Variants in TMPRSS15 observed in about 807,000 individuals in gnomAD.
TMPRSS15 encodes transmembrane serine protease 15, also known as enteropeptidase.
TMPRSS15 carries 128 observed loss-of-function variants against 125.3 expected under a neutral mutation model. The observed-to-expected ratio is 1.02, with a 90% CI of 0.89 to 1.18. TMPRSS15 has a LOEUF of 1.18. Ranked by LOEUF, TMPRSS15 falls within the 50% of genes most tolerant of loss-of-function variation. The pLI is 0.00. For missense variants in TMPRSS15, 1,283 were observed against 1,212.7 expected (o/e 1.06, Z -0.86); for synonymous variants, 446 against 423.2 (o/e 1.05, Z -0.66).
At chr21:18,464,172 C>CAA (rs1163284712) in intron 1 of TMPRSS15, among the ~76,000 whole-genome samples, 225 of 36,104 alleles carry the variant, frequency 6.2e-3, no homozygotes, top group Middle Eastern at 0.044. Flanking sequence ...GACTCCGTCT[C>CAA]AAAAAAAAAA....
At chr21:18,459,453 T>C (rs984578103) in intron 1 of TMPRSS15, among the ~76,000 whole-genome samples, 14 of 152,096 alleles carry the variant, frequency 9.2e-5, no homozygotes, top group African/African-American at 3.1e-4. Context: ...TTTGTATTTT[T>C]AGTAGAGAGA....
intron 1 of TMPRSS15, among the ~76,000 whole-genome samples, chr21:18,418,067 A>G (rs2076184211): frequency 6.6e-6 from 1 of 152,236 alleles, no homozygotes; most frequent in Non-Finnish European, 1.5e-5. Context: ...TTCTTCAGCT[A>G]AAAGGTAATG....
chr21:18,382,210 G>T (rs1334955610), intron 4 of TMPRSS15, among the ~76,000 whole-genome samples: 3 of 152,128 alleles, frequency 2.0e-5, no homozygotes, highest in Non-Finnish European at 4.4e-5. Context: ...CTGATTGGGG[G>T]ATAGTAATGA....
chr21:18,411,906 G>A (rs553690988), intron 1 of TMPRSS15, among the ~76,000 whole-genome samples: 1 of 152,284 alleles, frequency 6.6e-6, no homozygotes, highest in Non-Finnish European at 1.5e-5. Flanking sequence ...TTCAAAAATA[G>A]ACCTGTATTT....
Position 18,312,922 on chromosome 21 carries a change from A to T in TMPRSS15, c.2165+23T>A, listed in dbSNP as rs774981143. On this transcript the variant is annotated intron_variant, in intron 18 of 24. Transcript: ENST00000284885. ...AAAAAGGTTTGCAAATCTCTTAAAA[A>T]GGAACTCAGTAGAATTACTTACCCT... The T allele has an allele frequency of 2.7e-5, 43 of 1,612,582 alleles. No homozygotes were observed. The Admixed American group carries it at 6.7e-4, about 25-fold the overall frequency.
intron 1 of TMPRSS15, among the ~76,000 whole-genome samples, chr21:18,450,289 C>T (rs1245888952): frequency 6.6e-6 from 1 of 151,334 alleles, no homozygotes; most frequent in Non-Finnish European, 1.5e-5. Context: ...GCATATATTT[C>T]ATCTGGGGTT....
At chr21:18,420,758 G>A (rs2076190523) in intron 1 of TMPRSS15, among the ~76,000 whole-genome samples, 1 of 152,186 alleles carries the variant, frequency 6.6e-6, no homozygotes. Context: ...CAATGTAGAT[G>A]TCACTTTGGC....
At chr21:18,353,546 TG>T (rs1723683604) in intron 9 of TMPRSS15, among the ~76,000 whole-genome samples, 176 bp downstream of exon 9, 1 of 151,884 alleles carries the variant, frequency 6.6e-6, no homozygotes, top group Non-Finnish European at 1.5e-5. Context: ...CTTTGAAAAA[TG>T]TAAACCATTG....
chr21:18,470,521 TG>T (rs1978757371), intron 1 of TMPRSS15, among the ~76,000 whole-genome samples: 1 of 152,014 alleles, frequency 6.6e-6, no homozygotes, highest in African/African-American at 2.4e-5. Context: ...ATACTCTGGG[TG>T]ATGGTTAAGT....
At chr21:18,408,766 C>T (rs1456125995), upstream of TMPRSS15, among the ~76,000 whole-genome samples, 3 of 151,978 alleles carry the variant, frequency 2.0e-5, no homozygotes, top group Non-Finnish European at 4.4e-5. Context: ...ATGTCTTTAT[C>T]ATTGAGGATT....
intron 1 of TMPRSS15, among the ~76,000 whole-genome samples, chr21:18,456,871 T>C (rs551591093): frequency 4.1e-4 from 63 of 152,220 alleles, no homozygotes; most frequent in African/African-American, 1.4e-3. Flanking sequence ...ACAGGTAACT[T>C]TCTTTTTAGG....
At chr21:18,292,569 T>A (rs1231845338) in intron 21 of TMPRSS15, among the ~76,000 whole-genome samples, 1 of 152,224 alleles carries the variant, frequency 6.6e-6, no homozygotes, top group Non-Finnish European at 1.5e-5. Context: ...TTGAAAGACA[T>A]CACTAATATT....
intron 10 of TMPRSS15, among the ~76,000 whole-genome samples, chr21:18,349,504 A>C (rs1369080646): frequency 1.3e-5 from 2 of 152,320 alleles, no homozygotes; most frequent in East Asian, 3.9e-4. Context: ...GGCAAAGAAC[A>C]AAACAACAAT....
At chr21:18,436,013 C>T (rs2076227081) in intron 1 of TMPRSS15, among the ~76,000 whole-genome samples, 1 of 149,448 alleles carries the variant, frequency 6.7e-6, no homozygotes, top group Non-Finnish European at 1.5e-5. Context: ...CTATTTGATT[C>T]TTCTCTCTTT....
At chr21:18,365,673 TCCTTCCTTCCTTCCTTCCTTCCTTCCTA>T (rs2075727280) in intron 6 of TMPRSS15, among the ~76,000 whole-genome samples, 2 of 136,656 alleles carry the variant, frequency 1.5e-5, no homozygotes, top group African/African-American at 5.6e-5. Context: ...CTTCCTTCCT[TCCTTCCTTCCTTCCTTCCTTCCTTCCTA>T]CCTTCTCTCT....
At chr21:18,461,118 T>G (rs1199508374) in intron 1 of TMPRSS15, among the ~76,000 whole-genome samples, 2 of 152,278 alleles carry the variant, frequency 1.3e-5, no homozygotes, top group East Asian at 3.9e-4. Context: ...TCAGGTTTCC[T>G]GACAGTATCA....
At position 18,473,986 on chromosome 21, in the gene TMPRSS15, G is replaced by C. The variant is rs546112393; in HGVS notation, c.10+11813C>G. On this transcript the variant is annotated intron_variant, in intron 1 of 7. Coordinates refer to the TMPRSS15 transcript ENST00000422787. The stretch of plus-strand genomic sequence containing the variant: ...TCTCATTCATATGTGATTGACTACA[G>C]ATGGTATTAAATAGACAGATGGTAT... Among the ~76,000 whole-genome samples the C allele has an allele frequency of 3.3e-5, 5 of 152,248 alleles. No homozygotes were observed. The South Asian group carries it at 1.0e-3, about 32-fold the overall frequency.
chr21:18,480,123 C>A (rs1297353336), intron 1 of TMPRSS15, among the ~76,000 whole-genome samples: 1 of 151,978 alleles, frequency 6.6e-6, no homozygotes, highest in Non-Finnish European at 1.5e-5. Flanking sequence ...TCATTCTCAG[C>A]AAACCAACAC....
chr21:18,420,256 C>T (rs1357642663), intron 1 of TMPRSS15, among the ~76,000 whole-genome samples: 2 of 152,164 alleles, frequency 1.3e-5, no homozygotes, highest in African/African-American at 4.8e-5. Context: ...CCTTTAACAT[C>T]CTTTGAGTCT....
Sources: allele counts gnomAD v4.1 joint callset (sites outside exome capture counted in the v4.1 genomes callset), GRCh38; gene constraint gnomAD v4.1.1; transcripts MANE v1.5; gene names NCBI Gene and HGNC (gene_info 2026-07-23, HGNC 2026-07-21).